Variants in TMEM50B observed in about 807,000 individuals in gnomAD.
TMEM50B encodes transmembrane protein 50B, also known as HCV p7-trans-regulated protein 3.
A neutral mutation model predicts 23.4 loss-of-function variants in TMEM50B; 14 were observed. The observed-to-expected ratio is 0.60, with a 90% CI of 0.39 to 0.93. The LOEUF is 0.93. TMEM50B is among the 40% of genes least tolerant of loss of function. The probability of loss-of-function intolerance (pLI) is 0.00; values close to 1 mark genes in which losing one functional copy is unlikely to be tolerated. For missense variants in TMEM50B, 159 were observed against 193.0 expected (o/e 0.82, Z 1.04); for synonymous variants, 64 against 62.3 (o/e 1.03, Z -0.13).
At chr21:33,436,802 C>T (rs1204963645) in intron 8 of TMEM50B, 7 of 1,608,756 alleles carry the variant, frequency 4.4e-6, no homozygotes, top group East Asian at 2.2e-5. Flanking sequence ...AAACTAATTA[C>T]AATTTTGCTT....
At chr21:33,447,719 CATAT>C (rs67698508), downstream of TMEM50B, among the ~76,000 whole-genome samples, 12,008 of 77,568 alleles carry the variant, frequency 0.15, 779 homozygotes, top group East Asian at 0.52. Context: ...CACACACACA[CATAT>C]ATATATATAC....
chr21:33,432,519 T>C, exon 9 of TMEM50B: 2 of 832,944 alleles, frequency 2.4e-6, no homozygotes, highest in Admixed American at 2.0e-5. Context: ...ACCAGACAGC[T>C]ACCACTTGCT....
chr21:33,436,591 G>A (rs2083953562), intron 8 of TMEM50B, among the ~76,000 whole-genome samples: 1 of 151,786 alleles, frequency 6.6e-6, no homozygotes, highest in Non-Finnish European at 1.5e-5. Context: ...GCAAGGTGGT[G>A]GGCACCTGTA....
chr21:33,474,114 C>T (rs1054416151), intron 1 of TMEM50B, among the ~76,000 whole-genome samples: 5 of 150,980 alleles, frequency 3.3e-5, no homozygotes, highest in African/African-American at 7.3e-5. Context: ...AAAAATCATT[C>T]GACTGTACAC....
intron 8 of TMEM50B, among the ~76,000 whole-genome samples, chr21:33,435,926 G>A (rs2083942957): frequency 6.7e-6 from 1 of 149,246 alleles, no homozygotes; most frequent in Non-Finnish European, 1.5e-5. Flanking sequence ...CCGTGGTGGT[G>A]CACGCCTGCA....
intron 4 of TMEM50B, 29 bp from the exon 5 acceptor site, chr21:33,460,534 G>A: frequency 6.8e-7 from 1 of 1,477,664 alleles, no homozygotes; most frequent in Non-Finnish European, 9.3e-7. Flanking sequence ...TTATGATTTT[G>A]TTCATTTTTG....
chr21:33,477,772 T>C lies in TMEM50B; in HGVS notation c.-42+2066A>G, dbSNP rs191262033. On this transcript the variant is annotated intron_variant, in intron 1 of 6. Transcript: ENST00000542230. ...GTTGCAGTGAGCCACGATAGCGCCA[T>C]TGCACTCCAGCCTGGGCAACAAGAG... is the stretch of plus-strand genomic sequence containing the variant. 1.1e-4 allele frequency among the ~76,000 whole-genome samples: 17 copies of C among 148,838 alleles called. No individual in the cohort carries two copies. The East Asian group carries it at 2.5e-3, about 22-fold the overall frequency.
At chr21:33,463,535 T>C (rs1293786943) in intron 4 of TMEM50B, among the ~76,000 whole-genome samples, 2 of 152,148 alleles carry the variant, frequency 1.3e-5, no homozygotes, top group Non-Finnish European at 2.9e-5. Flanking sequence ...ATGGAAATGT[T>C]CTGTATCATG....
chr21:33,433,576 A>G (rs1219990580), intron 8 of TMEM50B, among the ~76,000 whole-genome samples: 1 of 152,092 alleles, frequency 6.6e-6, no homozygotes, highest in Non-Finnish European at 1.5e-5. Flanking sequence ...CCATAAAGAC[A>G]GGAAGTAGAA....
At chr21:33,476,335 A>T (rs948513328) in intron 1 of TMEM50B, among the ~76,000 whole-genome samples, 1 of 152,176 alleles carries the variant, frequency 6.6e-6, no homozygotes, top group Non-Finnish European at 1.5e-5. Context: ...GTGAGCCAAG[A>T]TCACGCCATT....
At chr21:33,450,943 G>C (rs1201162934) in intron 6 of TMEM50B, 80 bp from the exon 7 acceptor site, 4 of 1,211,858 alleles carry the variant, frequency 3.3e-6, no homozygotes, top group Non-Finnish European at 4.8e-6. Context: ...AATATGCTTT[G>C]ACAGGTACTT....
chr21:33,437,607 A>C (rs1381545131), intron 8 of TMEM50B: 1 of 152,514 alleles, frequency 6.6e-6, no homozygotes, highest in Non-Finnish European at 1.5e-5. Context: ...TTTTTCTTAA[A>C]TAACACCTGC....
Position 33,450,714 on chromosome 21 carries a change from C to A in TMEM50B, c.*104G>T. ...AACATAAAAATGTAAAGAAACAAAA[C>A]ATTTAATGTACAATCTACTCCATTT... On this transcript the variant is annotated 3_prime_UTR_variant, in exon 7 of 7. Transcript: ENST00000542230. 1.2e-6 allele frequency: 1 copy of A among 832,852 alleles called. No individual in the cohort carries two copies. The highest frequency in any genetic ancestry group is 2.0e-5 in the South Asian group (1 of 50,010). The allele number at this position is 832,852 out of a possible 1,614,324, so 51.6% of individuals were successfully genotyped here.
chr21:33,478,837 C>T (rs967530811), intron 1 of TMEM50B: 6 of 470,964 alleles, frequency 1.3e-5, no homozygotes, highest in African/African-American at 6.0e-5. Context: ...AAAGTGTGAC[C>T]GGCCTGAGAG....
At chr21:33,435,124 T>C (rs972864720) in intron 8 of TMEM50B, among the ~76,000 whole-genome samples, 6 of 152,206 alleles carry the variant, frequency 3.9e-5, no homozygotes, top group Non-Finnish European at 2.9e-5. Flanking sequence ...AGCTAGACAC[T>C]AGATTCTTGG....
At chr21:33,465,016 CAT>C (rs2084252994) in intron 4 of TMEM50B, 1 of 218,386 alleles carries the variant, frequency 4.6e-6, no homozygotes, top group Admixed American at 5.7e-5. Context: ...TGTTAATAAT[CAT>C]AGTCAGCCAT....
intron 6 of TMEM50B, among the ~76,000 whole-genome samples, 199 bp downstream of exon 6, chr21:33,455,528 A>G (rs930449183): frequency 6.6e-6 from 1 of 152,170 alleles, no homozygotes; most frequent in African/African-American, 2.4e-5. Flanking sequence ...GGATCCAGCT[A>G]AAGTCTTGAT....
chr21:33,444,932 A>T (rs563221578), downstream of TMEM50B, among the ~76,000 whole-genome samples: 8 of 151,690 alleles, frequency 5.3e-5, 1 homozygote, highest in African/African-American at 1.9e-4. Flanking sequence ...GGAGTTCGAG[A>T]CCAGCCTGGG....
chr21:33,467,195 T>G (rs2123447728), intron 2 of TMEM50B, 73 bp from the exon 3 acceptor site: 14 of 1,321,466 alleles, frequency 1.1e-5, no homozygotes, highest in Non-Finnish European at 1.5e-5. Context: ...AACATTCCTT[T>G]TGTCCTACAG....
Sources: allele counts gnomAD v4.1 joint callset (sites outside exome capture counted in the v4.1 genomes callset), GRCh38; gene constraint gnomAD v4.1.1; transcripts MANE v1.5; gene names NCBI Gene and HGNC (gene_info 2026-07-23, HGNC 2026-07-21).